Variants in STAU2 observed in about 807,000 individuals in gnomAD.
The protein encoded by STAU2 is double-stranded RNA-binding protein Staufen homolog 2.
STAU2 carries 20 observed loss-of-function variants against 65.9 expected under a neutral mutation model. That is an observed-to-expected ratio of 0.30 (90% CI 0.21 to 0.44). STAU2 has a LOEUF of 0.44. Ranked by LOEUF, STAU2 falls within the 20% of genes least tolerant of loss-of-function variation. The pLI is 1.00. For missense variants in STAU2, 558 were observed against 683.9 expected, an observed-to-expected ratio of 0.82 and a Z score of 2.05; for synonymous variants, 232 against 233.9, an observed-to-expected ratio of 0.99 and a Z score of 0.07.
rs1221693435 is a variant in STAU2, at chr8:73,552,082, G to A, written c.1460C>T (p.Pro487Leu). ...TTGTACTGGAGAACAAGGGGGAGTAGGAGAACTTCCTTTTAAACCTATGGC... is the reference window on the plus strand; with the variant it reads ...TTGTACTGGAGAACAAGGGGGAGTAAGAGAACTTCCTTTTAAACCTATGGC... ...AEAIGLKGSS[P>L]TPPCSPVQPS... Residue 487 changes from proline (P) to leucine (L), a missense_variant, in exon 13 of 15, where the codon CCT becomes CTT. Physicochemically the swap from Pro to Leu is moderately conservative, Grantham distance 98. Coordinates refer to ENST00000524300, the MANE Select transcript of STAU2 (RefSeq NM_001164380.2). The A allele has an allele frequency of 1.2e-6, 2 of 1,612,424 alleles. No individual in the cohort carries two copies. Among genetic ancestry groups the A allele is most frequent in the Non-Finnish European group, 1.7e-6 (2 of 1,178,930 alleles).
At chr8:73,448,400 A>C (rs2128893913) in intron 13 of STAU2, among the ~76,000 whole-genome samples, 1 of 152,210 alleles carries the variant, frequency 6.6e-6, no homozygotes, top group Non-Finnish European at 1.5e-5. Context: ...TATCTGCCTC[A>C]GCCTCCCGAG....
intron 6 of STAU2, among the ~76,000 whole-genome samples, chr8:73,661,202 A>G (rs1816803863): frequency 6.6e-6 from 1 of 152,222 alleles, no homozygotes; most frequent in Admixed American, 6.5e-5. Context: ...TAACTAAACA[A>G]GCTAAAATGC....
At chr8:73,612,900 C>T (rs962794360) in intron 9 of STAU2, among the ~76,000 whole-genome samples, 2 of 152,188 alleles carry the variant, frequency 1.3e-5, no homozygotes, top group African/African-American at 2.4e-5. Flanking sequence ...AGAACTCTAG[C>T]TCCAGACATG....
chr8:73,628,787 G>A (rs924279886), intron 6 of STAU2, among the ~76,000 whole-genome samples: 2 of 152,142 alleles, frequency 1.3e-5, no homozygotes, highest in African/African-American at 4.8e-5. Flanking sequence ...ATTTTATAAT[G>A]TCTATAATAA....
intron 6 of STAU2, among the ~76,000 whole-genome samples, chr8:73,657,694 G>A (rs1816485024): frequency 6.6e-6 from 1 of 151,966 alleles, no homozygotes; most frequent in African/African-American, 2.4e-5. Flanking sequence ...CCAGGTTTAG[G>A]TGTCAATGAC....
intron 13 of STAU2, among the ~76,000 whole-genome samples, chr8:73,458,392 T>C (rs1819179992): frequency 6.6e-6 from 1 of 152,268 alleles, no homozygotes; most frequent in Non-Finnish European, 1.5e-5. Context: ...CTTTTTACTT[T>C]ATCAGTTCTT....
intron 4 of STAU2, among the ~76,000 whole-genome samples, chr8:73,703,486 C>T (rs1461818825): frequency 6.6e-6 from 1 of 152,118 alleles, no homozygotes; most frequent in Non-Finnish European, 1.5e-5. Flanking sequence ...AATACAATGT[C>T]TATATGAAGA....
At chr8:73,528,348 T>G (rs570650179) in intron 13 of STAU2, among the ~76,000 whole-genome samples, 1 of 152,328 alleles carries the variant, frequency 6.6e-6, no homozygotes, top group South Asian at 2.1e-4. Context: ...TGATTTGTAA[T>G]GTGCAGACCA....
At chr8:73,641,804 A>T (rs2130132820) in intron 6 of STAU2, among the ~76,000 whole-genome samples, 1 of 152,348 alleles carries the variant, frequency 6.6e-6, no homozygotes, top group Non-Finnish European at 1.5e-5. Flanking sequence ...AAATTTTCTA[A>T]TCTCTAGTCG....
intron 6 of STAU2, among the ~76,000 whole-genome samples, chr8:73,657,357 AG>A (rs1816459778): frequency 6.6e-6 from 1 of 152,212 alleles, no homozygotes; most frequent in Middle Eastern, 3.2e-3. Flanking sequence ...TAAAAAGCAA[AG>A]GGCCCTTCTA....
At chr8:73,524,934 T>C (rs1266134428) in intron 13 of STAU2, among the ~76,000 whole-genome samples, 2 of 152,016 alleles carry the variant, frequency 1.3e-5, no homozygotes, top group Admixed American at 6.5e-5. Flanking sequence ...GACCCTCAGG[T>C]TGGGGAGAGG....
At chr8:73,657,358 G>C (rs1470999752) in intron 6 of STAU2, among the ~76,000 whole-genome samples, 6 of 151,974 alleles carry the variant, frequency 3.9e-5, no homozygotes, top group Admixed American at 6.6e-5. Flanking sequence ...AAAAAGCAAA[G>C]GGCCCTTCTA....
chr8:73,580,831 C>T (rs1809926999), intron 12 of STAU2, among the ~76,000 whole-genome samples: 1 of 152,136 alleles, frequency 6.6e-6, no homozygotes, highest in Non-Finnish European at 1.5e-5. Context: ...AGTGTTCATT[C>T]AAAGAACTCT....
At chr8:73,622,616 T>C (rs1813349633) in intron 6 of STAU2, among the ~76,000 whole-genome samples, 1 of 152,194 alleles carries the variant, frequency 6.6e-6, no homozygotes, top group Non-Finnish European at 1.5e-5. Flanking sequence ...TCTTCTTCCA[T>C]TTTTGTTAAT....
At chr8:73,715,148 A>AT (rs1554570356) in intron 3 of STAU2, among the ~76,000 whole-genome samples, 1 of 152,066 alleles carries the variant, frequency 6.6e-6, no homozygotes, top group East Asian at 1.9e-4. Flanking sequence ...CTATAAATCA[A>AT]TTTTTTTAAA....
intron 12 of STAU2, among the ~76,000 whole-genome samples, chr8:73,574,201 A>G (rs1179275586): frequency 6.6e-6 from 1 of 152,232 alleles, no homozygotes; most frequent in Non-Finnish European, 1.5e-5. Context: ...CAAAACCACA[A>G]TGAGATACCA....
intron 1 of STAU2, among the ~76,000 whole-genome samples, chr8:73,740,343 T>C (rs955685324): frequency 3.3e-5 from 5 of 152,250 alleles, no homozygotes; most frequent in South Asian, 2.1e-4. Context: ...TAATTCAATA[T>C]TCCCATGGTG....
Position 73,657,746 on chromosome 8 carries a change from G to C in STAU2, c.410+15361C>G, listed in dbSNP as rs184423771. On this transcript the variant is annotated intron_variant, in intron 6 of 14. Transcript: ENST00000524300. ...AAGAATTCAGAGGCCGGGTACAGTG[G>C]TTCATGCCTGTAATCCCAGCACTTT... Among the ~76,000 whole-genome samples, 81 of 152,260 alleles carry C rather than the reference G, an allele frequency of 5.3e-4. No homozygotes were observed. In the South Asian group the frequency reaches 8.9e-3, roughly 17 times the overall value.
At chr8:73,512,823 A>C (rs551856529) in intron 13 of STAU2, among the ~76,000 whole-genome samples, 2 of 152,294 alleles carry the variant, frequency 1.3e-5, no homozygotes, top group South Asian at 4.1e-4. Flanking sequence ...TACTCAAGTG[A>C]ATTTTTCATT....
Sources: allele counts gnomAD v4.1 joint callset (sites outside exome capture counted in the v4.1 genomes callset), GRCh38; gene constraint gnomAD v4.1.1; transcripts MANE v1.5; gene names NCBI Gene and HGNC (gene_info 2026-07-23, HGNC 2026-07-21).